The following FLT3 variants were observed in gnomAD, a reference collection of about 807,000 sequenced individuals.
The protein encoded by FLT3 is fms related receptor tyrosine kinase 3.
FLT3 carries 46 observed loss-of-function variants against 126.6 expected under a neutral mutation model. The observed-to-expected ratio is 0.36, with a 90% CI of 0.29 to 0.46. The LOEUF (loss-of-function observed/expected upper bound fraction) is 0.46. Ranked by LOEUF, FLT3 falls within the 20% of genes least tolerant of loss-of-function variation. The pLI is 1.00. For synonymous variants in FLT3, 404 were observed against 434.4 expected, an observed-to-expected ratio of 0.93 and a Z score of 0.87; for missense variants, 1,069 against 1,190.3, an observed-to-expected ratio of 0.90 and a Z score of 1.50.
At chr13:28,008,356 G>A (rs1292128510) in intron 23 of FLT3, among the ~76,000 whole-genome samples, 4 of 149,484 alleles carry the variant, frequency 2.7e-5, no homozygotes, top group African/African-American at 7.4e-5. Flanking sequence ...AATGAATTTA[G>A]AATTATGAAT....
In FLT3 at chr13:28,050,240, G is replaced by C. The variant is rs913989645; in HGVS notation, c.615-18C>G. The C allele has an allele frequency of 1.2e-6, 2 of 1,612,848 alleles. No homozygotes were observed. Among genetic ancestry groups the C allele is most frequent in the Non-Finnish European group, 1.7e-6 (2 of 1,179,334 alleles). On this transcript the variant is annotated intron_variant, in intron 5 of 23. Coordinates refer to ENST00000241453, the MANE Select transcript of FLT3 (RefSeq NM_004119.3). Reference sequence around the variant, plus strand: ...CTTTACAGCTGCAATTAGAAAAGAAGTACCATTTGGCTAAACAAGTTTTAA... The same window carrying C: ...CTTTACAGCTGCAATTAGAAAAGAACTACCATTTGGCTAAACAAGTTTTAA...
At chr13:28,097,001 A>G (rs1879495910) in intron 1 of FLT3, among the ~76,000 whole-genome samples, 2 of 152,174 alleles carry the variant, frequency 1.3e-5, no homozygotes, top group South Asian at 2.1e-4. Flanking sequence ...ACTTGAGCCC[A>G]GGAGTTCAAG....
At position 28,058,220 on chromosome 13, in the gene FLT3, C is replaced by CAACA. The variant is rs1170683576; in HGVS notation, c.369-759_369-758insTGTT. On this transcript the variant is annotated intron_variant, in intron 3 of 23. Transcript: ENST00000241453. The stretch of plus-strand genomic sequence containing the variant: ...TTTTTTAAAAATTAAAAAAAAAAAA[C>CAACA]AAAAAAAAAAACGGCCAGGTACAGT... Among the ~76,000 whole-genome samples, 622 of 127,440 alleles carry CAACA rather than the reference C, an allele frequency of 4.9e-3. 10 individuals carry two copies. Among genetic ancestry groups the CAACA allele is most frequent in the African/African-American group, 0.018 (591 of 33,148 alleles). The allele number at this position is 127,440 out of a possible 152,430, so 83.6% of individuals were successfully genotyped here. A position where few individuals can be genotyped will look rare whatever the true frequency, so the allele number is the denominator to read the frequency against.
intron 2 of FLT3, among the ~76,000 whole-genome samples, chr13:28,065,851 A>AATC (rs1397508444): frequency 6.6e-6 from 1 of 151,104 alleles, no homozygotes; most frequent in Non-Finnish European, 1.5e-5. Flanking sequence ...TAATAATAAT[A>AATC]ATAATCCAGG....
At chr13:28,012,859 C>T (rs535252244) in intron 23 of FLT3, among the ~76,000 whole-genome samples, 18 of 151,972 alleles carry the variant, frequency 1.2e-4, no homozygotes, top group Non-Finnish European at 2.5e-4. Context: ...ATTGCTTGAG[C>T]TCACAGTGTG....
At chr13:28,079,059 T>C (rs1352106835) in intron 1 of FLT3, among the ~76,000 whole-genome samples, 1 of 152,166 alleles carries the variant, frequency 6.6e-6, no homozygotes, top group Non-Finnish European at 1.5e-5. Flanking sequence ...TTTTCCCAAC[T>C]TTTATGCTCT....
chr13:28,069,174 T>G (rs997576103), intron 2 of FLT3, among the ~76,000 whole-genome samples: 2 of 151,854 alleles, frequency 1.3e-5, no homozygotes, highest in South Asian at 2.1e-4. Context: ...ACCTCTGAGA[T>G]GAATTGTAGC....
rs190225253 is a variant in FLT3, at chr13:28,035,279, G to A, written c.1597+216C>T. 3.3e-5 allele frequency among the ~76,000 whole-genome samples: 5 copies of A among 152,136 alleles called. 1 individual carries two copies. Among genetic ancestry groups the A allele is most frequent in the Admixed American group, 1.3e-4 (2 of 15,280 alleles). On this transcript the variant is annotated intron_variant, in intron 12 of 23. Coordinates refer to ENST00000241453, the MANE Select transcript of FLT3 (RefSeq NM_004119.3). Reference sequence around the variant, plus strand: ...CACACTGGGAGTTTCTGCTTCTCCCGGTCACTGTGACACATGAGTCACAAG... The same window carrying A: ...CACACTGGGAGTTTCTGCTTCTCCCAGTCACTGTGACACATGAGTCACAAG...
At chr13:28,076,401 C>T (rs1230064153) in intron 1 of FLT3, among the ~76,000 whole-genome samples, 3 of 152,002 alleles carry the variant, frequency 2.0e-5, no homozygotes, top group African/African-American at 7.3e-5. Flanking sequence ...AGGCGAAGTT[C>T]CAGGACAAGC....
chr13:28,011,049 C>T lies in FLT3; in HGVS notation c.2859+3403G>A, dbSNP rs1005411481. 8.6e-5 allele frequency among the ~76,000 whole-genome samples: 13 copies of T among 150,678 alleles called. No individual in the cohort carries two copies. In the South Asian group the frequency reaches 1.1e-3, roughly 12 times the overall value. On this transcript the variant is annotated intron_variant, in intron 23 of 23. Transcript: ENST00000241453. Reference sequence around the variant, plus strand: ...AAATAGGGCCAGGTGGGGTGGCTCACGCCTGTAATCTCAGCACTTTGGAAG... The same window carrying T: ...AAATAGGGCCAGGTGGGGTGGCTCATGCCTGTAATCTCAGCACTTTGGAAG...
chr13:28,067,240 C>G (rs1877116005), intron 2 of FLT3, among the ~76,000 whole-genome samples: 1 of 152,178 alleles, frequency 6.6e-6, no homozygotes, highest in African/African-American at 2.4e-5. Context: ...CCAGGCTGGT[C>G]TCGAACTCCC....
intron 1 of FLT3, among the ~76,000 whole-genome samples, chr13:28,094,598 C>T (rs1025372828): frequency 9.9e-5 from 15 of 152,126 alleles, no homozygotes; most frequent in African/African-American, 3.4e-4. Context: ...TTCCTGGGCT[C>T]AAGCTATCCT....
intron 3 of FLT3, among the ~76,000 whole-genome samples, chr13:28,058,912 T>G (rs6491259): frequency 0.74 from 112,971 of 152,156 alleles, 42,758 homozygotes; most frequent in East Asian, 0.95. Flanking sequence ...GGAGGCGAGG[T>G]AGGAGGATCA....
intron 4 of FLT3, among the ~76,000 whole-genome samples, chr13:28,054,875 T>C (rs1875869825): frequency 6.6e-6 from 1 of 152,216 alleles, no homozygotes; most frequent in South Asian, 2.1e-4. Context: ...CCATTTAGGT[T>C]TCATGTTCCA....
At chr13:28,013,243 T>A (rs540656223) in intron 23 of FLT3, among the ~76,000 whole-genome samples, 1 of 152,170 alleles carries the variant, frequency 6.6e-6, no homozygotes, top group Non-Finnish European at 1.5e-5. Flanking sequence ...AACTGACTCA[T>A]AACAATTTAG....
At chr13:28,024,709 A>C in intron 18 of FLT3, 152 bp downstream of exon 18, 1 of 549,786 alleles carries the variant, frequency 1.8e-6, no homozygotes. Context: ...TTGACATAAA[A>C]TCTACAGTAT....
intron 1 of FLT3, among the ~76,000 whole-genome samples, chr13:28,091,929 G>T (rs1488405444): frequency 6.6e-6 from 1 of 152,030 alleles, no homozygotes; most frequent in Non-Finnish European, 1.5e-5. Context: ...AATTAGCCAG[G>T]CGTGGTGGAC....
chr13:28,080,421 G>A (rs1187171580), intron 1 of FLT3, among the ~76,000 whole-genome samples: 1 of 152,110 alleles, frequency 6.6e-6, no homozygotes, highest in East Asian at 1.9e-4. Context: ...ATTTCAACAT[G>A]AGATTTAGAG....
chr13:28,005,661 T>C (rs992062200), intron 23 of FLT3, among the ~76,000 whole-genome samples: 1 of 152,044 alleles, frequency 6.6e-6, no homozygotes, highest in Admixed American at 6.6e-5. Flanking sequence ...TAAGCAGAAG[T>C]GGAATTGCTG....
Sources: gnomAD v4.1 joint callset for allele counts (sites outside exome capture counted in the v4.1 genomes callset) on GRCh38, gnomAD v4.1.1 for gene constraint, MANE v1.5 for transcripts, NCBI Gene and HGNC (gene_info 2026-07-23, HGNC 2026-07-21) for gene names.